CC2D2A: variants seen among roughly 807,000 people sequenced by gnomAD.
CC2D2A encodes the protein coiled-coil and C2 domain containing 2A.
In CC2D2A, 155 loss-of-function variants were observed where a neutral mutation model predicts 212.9. The observed-to-expected ratio is 0.73, with a 90% confidence interval of 0.64 to 0.83. The LOEUF (loss-of-function observed/expected upper bound fraction) is 0.83. CC2D2A is among the 40% of genes least tolerant of loss of function. The pLI is 0.00. For synonymous variants in CC2D2A, 667 were observed against 686.5 expected, an observed-to-expected ratio of 0.97 and a Z score of 0.44; for missense variants, 1,856 against 1,956.2, an observed-to-expected ratio of 0.95 and a Z score of 0.97.
intron 24 of CC2D2A, among the ~76,000 whole-genome samples, chr4:15,567,099 A>G (rs982032432): frequency 1.3e-5 from 2 of 151,906 alleles, no homozygotes; most frequent in Non-Finnish European, 2.9e-5. Flanking sequence ...CCTTAGCAAC[A>G]TGGCAAAACC....
In CC2D2A at chr4:15,550,965, G is replaced by A. The variant is rs751808973; in HGVS notation, c.2323G>A (p.Glu775Lys). ...SSNQHVTLDH[E>K]GVGSGVPFSF... is the part of the protein sequence containing the mutation. The stretch of plus-strand genomic sequence containing the variant: ...TAATCAGCATGTGACACTGGACCAC[G>A]AGGGAGTTGGAAGTGGTATGGAAAG... The change falls in exon 18 of 37, where the codon GAG becomes AAG. Residue 775 changes from glutamate to lysine, a missense_variant. Coordinates refer to ENST00000424120, the MANE Select transcript of CC2D2A (RefSeq NM_001378615.1). 99 of 1,596,070 alleles carry A rather than the reference G, an allele frequency of 6.2e-5. 1 individual carries two copies. The highest frequency in any genetic ancestry group is 5.1e-4 in the Middle Eastern group (3 of 5,936).
rs542594569 is a variant in CC2D2A, at chr4:15,478,104, C to T, written c.40-619C>T. 3.3e-5 allele frequency among the ~76,000 whole-genome samples: 5 copies of T among 152,282 alleles called. No homozygotes were observed. The South Asian group carries it at 1.0e-3, about 32-fold the overall frequency. On this transcript the variant is annotated intron_variant, in intron 2 of 36. Transcript: ENST00000424120. ...TAGAGCTCGTAGACTTTAGAGCTTT[C>T]AGCTCTAACATTTTATGACTAAAAT...
intron 16 of CC2D2A, among the ~76,000 whole-genome samples, chr4:15,539,969 A>C (rs539713248): frequency 6.6e-6 from 1 of 152,336 alleles, no homozygotes; most frequent in East Asian, 1.9e-4. Flanking sequence ...GTTTGGAATG[A>C]TGAAGAAGCT....
At chr4:15,570,329 C>A in intron 27 of CC2D2A, 69 bp from the exon 28 acceptor site, 3 of 949,634 alleles carry the variant, frequency 3.2e-6, no homozygotes, top group Non-Finnish European at 1.6e-6. Flanking sequence ...TGCTGCTTTC[C>A]TGCTGCCAGA....
intron 8 of CC2D2A, among the ~76,000 whole-genome samples, chr4:15,512,976 G>A (rs1018679365): frequency 6.6e-6 from 1 of 151,652 alleles, no homozygotes; most frequent in African/African-American, 2.4e-5. Flanking sequence ...GGTTAAAATG[G>A]TGGACTTCAT....
chr4:15,497,150 T>G (rs1281453359), intron 4 of CC2D2A, among the ~76,000 whole-genome samples: 1 of 152,196 alleles, frequency 6.6e-6, no homozygotes, highest in Non-Finnish European at 1.5e-5. Context: ...TCAGACTACC[T>G]GACTTCAAAC....
At chr4:15,525,239 C>T (rs766746299) in intron 11 of CC2D2A, among the ~76,000 whole-genome samples, 1 of 152,132 alleles carries the variant, frequency 6.6e-6, no homozygotes, top group Non-Finnish European at 1.5e-5. Flanking sequence ...TACCAAGAAG[C>T]GTACAAGATG....
At position 15,567,440 on chromosome 4, in the gene CC2D2A, C is replaced by A; in HGVS notation, c.3246C>A (p.Ser1082Arg). The A allele has an allele frequency of 6.2e-7, 1 of 1,613,580 alleles. No homozygotes were observed. Among genetic ancestry groups the A allele is most frequent in the Non-Finnish European group, 8.5e-7 (1 of 1,179,692 alleles). ...GTGAAAAGCATGCTGCTTCCCCAAG[C>A]ACGTACAGCCCAACCCACAATGCTG... ...MFSEKHAASPSTYSPTHNADY... is the reference protein window; with the variant it reads ...MFSEKHAASPRTYSPTHNADY... The change falls in exon 25 of 37, where the codon AGC becomes AGA. Residue 1082 changes from serine to arginine, a missense_variant. Ser to Arg is a moderately radical substitution (Grantham distance 110). Transcript: ENST00000424120.
At chr4:15,549,318 G>C (rs529903190) in intron 17 of CC2D2A, among the ~76,000 whole-genome samples, 1 of 152,086 alleles carries the variant, frequency 6.6e-6, no homozygotes, top group African/African-American at 2.4e-5. Flanking sequence ...TGCCACTTAC[G>C]GGCTTCCTGC....
intron 4 of CC2D2A, among the ~76,000 whole-genome samples, chr4:15,493,338 G>A (rs1157867786): frequency 5.3e-5 from 8 of 151,968 alleles, no homozygotes; most frequent in South Asian, 2.1e-4. Flanking sequence ...GTGCAATCTC[G>A]GCTCACTGCA....
rs1560157112 is a variant in CC2D2A at position 15,510,252 on chromosome 4, T to A, written c.540+12T>A. 6.2e-7 allele frequency: 1 copy of A among 1,602,046 alleles called. No individual in the cohort carries two copies. The highest frequency in any genetic ancestry group is 8.5e-7 in the Non-Finnish European group (1 of 1,172,182). ...AGCCTAAACCCCAGGTGAGAAATCTTGTTTTTTAAAATCATTTGTTTGTTT... is the reference window on the plus strand; with the variant it reads ...AGCCTAAACCCCAGGTGAGAAATCTAGTTTTTTAAAATCATTTGTTTGTTT... On this transcript the variant is annotated intron_variant, in intron 7 of 36. Transcript: ENST00000424120.
At chr4:15,531,722 A>AT (rs1717858001) in intron 13 of CC2D2A, among the ~76,000 whole-genome samples, 1 of 151,966 alleles carries the variant, frequency 6.6e-6, no homozygotes, top group African/African-American at 2.4e-5. Flanking sequence ...TCGTATGCAA[A>AT]TTTTTCTTGC....
chr4:15,568,590 A>T (rs1435223713), intron 26 of CC2D2A, among the ~76,000 whole-genome samples: 1 of 152,264 alleles, frequency 6.6e-6, no homozygotes, highest in Non-Finnish European at 1.5e-5. Context: ...TCTGTCTCAA[A>T]ATAAATACAT....
At chr4:15,580,284 C>A in intron 30 of CC2D2A, 113 bp downstream of exon 30, 1 of 768,828 alleles carries the variant, frequency 1.3e-6, no homozygotes, top group Non-Finnish European at 2.1e-6. Context: ...ATATCGAGAT[C>A]ATTAATGACA....
chr4:15,582,594 G>A (rs1720705899), intron 30 of CC2D2A, among the ~76,000 whole-genome samples: 1 of 152,024 alleles, frequency 6.6e-6, no homozygotes. Flanking sequence ...TATAAAACTT[G>A]GAAGAAACAA....
chr4:15,599,291 A>G (rs1721467986), intron 35 of CC2D2A, among the ~76,000 whole-genome samples: 1 of 152,152 alleles, frequency 6.6e-6, no homozygotes, highest in Admixed American at 6.5e-5. Flanking sequence ...CATACTTTCT[A>G]TTTATAGGAC....
intron 4 of CC2D2A, among the ~76,000 whole-genome samples, chr4:15,498,119 G>C (rs1715721259): frequency 6.6e-6 from 1 of 152,154 alleles, no homozygotes; most frequent in African/African-American, 2.4e-5. Context: ...AGGAGAGAGA[G>C]TGCAGAGAAG....
At chr4:15,548,027 G>A (rs141563046) in intron 17 of CC2D2A, among the ~76,000 whole-genome samples, 19 of 151,422 alleles carry the variant, frequency 1.3e-4, no homozygotes, top group African/African-American at 3.9e-4. Context: ...CAACAAGAGC[G>A]AAACTCCGTA....
In CC2D2A at chr4:15,596,097, A is replaced by T; in HGVS notation, c.4327A>T (p.Ile1443Phe). The part of the protein sequence containing the change: ...LIGPDNIWFN[I>F]QRYESPLRIN... ...TTGTCTTTCTTAGATTTGGTTTAATATTCAACGATATGAATCTCCACTAAG... is the reference window on the plus strand; with the variant it reads ...TTGTCTTTCTTAGATTTGGTTTAATTTTCAACGATATGAATCTCCACTAAG... The change falls in exon 34 of 37, where the codon ATT (isoleucine) becomes TTT (phenylalanine). Residue 1443 changes from isoleucine to phenylalanine, a missense_variant. Ile to Phe is a conservative substitution (Grantham distance 21). Around this residue, in one of 5 missense-constraint regions of CC2D2A, gnomAD observed 285 missense variants for 278.4 expected, o/e 1.02. Coordinates refer to ENST00000424120, the MANE Select transcript of CC2D2A (RefSeq NM_001378615.1). The T allele has an allele frequency of 6.5e-7, 1 of 1,547,372 alleles. No individual in the cohort carries two copies. Among genetic ancestry groups the T allele is most frequent in the African/African-American group, 1.4e-5 (1 of 72,932 alleles).
Sources: gnomAD v4.1 joint callset for allele counts (sites outside exome capture counted in the v4.1 genomes callset) on GRCh38, gnomAD v4.1.1 for gene constraint, gnomAD v4.1.1 regional missense constraint, MANE v1.5 for transcripts, NCBI Gene and HGNC (gene_info 2026-07-23, HGNC 2026-07-21) for gene names.